The following CPNE8 variants were observed in gnomAD, a reference collection of about 807,000 sequenced individuals.
CPNE8 encodes copine 8.
A neutral mutation model predicts 81.5 loss-of-function variants in CPNE8; 45 were observed. The observed-to-expected ratio is 0.55, with a 90% CI of 0.44 to 0.71. CPNE8 has a LOEUF of 0.71. CPNE8 is among the 30% of genes least tolerant of loss of function. The pLI is 0.00. For synonymous variants in CPNE8, 252 were observed against 226.3 expected (o/e 1.11, Z -1.02); for missense variants, 594 against 672.1 (o/e 0.88, Z 1.28).
chr12:38,905,703 G>T (rs532708979), upstream of CPNE8: 128 of 1,445,146 alleles, frequency 8.9e-5, no homozygotes, highest in Non-Finnish European at 1.1e-4. Flanking sequence ...CCTCCGCGCA[G>T]AGCCACGAGG....
chr12:38,877,806 A>T (rs1269801466), intron 1 of CPNE8, among the ~76,000 whole-genome samples: 2 of 152,150 alleles, frequency 1.3e-5, no homozygotes, highest in East Asian at 1.9e-4. Context: ...AAGTCTTCAA[A>T]CCACAGCAAC....
At chr12:38,685,367 C>T (rs1939509903) in intron 16 of CPNE8, 123 bp downstream of exon 16, 1 of 1,017,170 alleles carries the variant, frequency 9.8e-7, no homozygotes, top group Non-Finnish European at 1.4e-6. Flanking sequence ...ATTTTTTCCC[C>T]ACTTTCTTGG....
chr12:38,818,738 C>T (rs1023247879), intron 6 of CPNE8, among the ~76,000 whole-genome samples: 2 of 152,178 alleles, frequency 1.3e-5, no homozygotes, highest in Non-Finnish European at 2.9e-5. Flanking sequence ...AACTAATTTA[C>T]ACTCCCACCA....
chr12:38,688,433 G>C, intron 15 of CPNE8, among the ~76,000 whole-genome samples: 1 of 152,122 alleles, frequency 6.6e-6, no homozygotes, highest in African/African-American at 2.4e-5. Context: ...ATATTTTATA[G>C]CTACTAAAAT....
chr12:38,859,181 T>C (rs1221997068), intron 3 of CPNE8, among the ~76,000 whole-genome samples: 2 of 149,716 alleles, frequency 1.3e-5, no homozygotes, highest in Admixed American at 6.6e-5. Context: ...AATGAACTTA[T>C]AGGTTAAAAA....
At chr12:38,901,385 T>C (rs1944459882) in intron 1 of CPNE8, among the ~76,000 whole-genome samples, 1 of 152,258 alleles carries the variant, frequency 6.6e-6, no homozygotes, top group South Asian at 2.1e-4. Flanking sequence ...ATCAGTGAAA[T>C]AGTGCAACAA....
At chr12:38,731,769 G>A (rs1940836514) in intron 10 of CPNE8, among the ~76,000 whole-genome samples, 1 of 151,852 alleles carries the variant, frequency 6.6e-6, no homozygotes, top group Admixed American at 6.6e-5. Context: ...TCACAAAACA[G>A]CACTTTAGTG....
chr12:38,834,038 G>A lies in CPNE8; in HGVS notation c.331-4583C>T, dbSNP rs1943342619. 3.9e-5 allele frequency among the ~76,000 whole-genome samples: 6 copies of A among 152,144 alleles called. No individual in the cohort carries two copies. In the South Asian group the frequency reaches 1.2e-3, roughly 31 times the overall value. ...GAGCAATGATGAGAATGGCAGGAGA[G>A]GAGGTAACCAGGGGCTATATCAAGG... On this transcript the variant is annotated intron_variant, in intron 5 of 19. Transcript: ENST00000331366.
chr12:38,797,292 C>A (rs534782082), intron 6 of CPNE8, among the ~76,000 whole-genome samples: 1 of 152,324 alleles, frequency 6.6e-6, no homozygotes, highest in African/African-American at 2.4e-5. Context: ...AACTGGGAGG[C>A]ACCCCCCAGT....
chr12:38,799,586 A>G (rs896010171), intron 6 of CPNE8, among the ~76,000 whole-genome samples: 5 of 152,182 alleles, frequency 3.3e-5, no homozygotes, highest in Admixed American at 2.6e-4. Context: ...TGCCCACAAG[A>G]GAAAGCAGGA....
chr12:38,872,957 C>A lies in CPNE8; in HGVS notation c.186+47G>T, dbSNP rs188200906. The A allele has an allele frequency of 3.4e-5, 35 of 1,036,694 alleles. No homozygotes were observed. The East Asian group carries it at 6.0e-4, about 18-fold the overall frequency. The allele number at this position is 1,036,694 out of a possible 1,614,324, so 64.2% of individuals were successfully genotyped here. A position where few individuals can be genotyped will look rare whatever the true frequency, so the allele number is the denominator to read the frequency against. On this transcript the variant is annotated intron_variant, in intron 3 of 19. Transcript: ENST00000331366. ...ATCATCTTGATCAAGTTATAACTTACTGTATCTTCAAGCCCAGTGATTTTT... is the reference window on the plus strand; with the variant it reads ...ATCATCTTGATCAAGTTATAACTTAATGTATCTTCAAGCCCAGTGATTTTT...
intron 13 of CPNE8, among the ~76,000 whole-genome samples, chr12:38,713,805 C>T (rs1221047971): frequency 1.3e-5 from 2 of 149,786 alleles, no homozygotes; most frequent in South Asian, 2.1e-4. Flanking sequence ...CACCTGGACT[C>T]GCTGGATGAG....
chr12:38,806,327 G>A (rs1419007303), intron 6 of CPNE8, among the ~76,000 whole-genome samples: 1 of 149,876 alleles, frequency 6.7e-6, no homozygotes, highest in Non-Finnish European at 1.5e-5. Context: ...CAATATCCTT[G>A]ATGAACATTG....
In CPNE8 at chr12:38,741,010, C is replaced by G. The variant is rs549602720; in HGVS notation, c.723-10652G>C. 5.3e-5 allele frequency among the ~76,000 whole-genome samples: 8 copies of G among 152,164 alleles called. No individual in the cohort carries two copies. In the East Asian group the frequency reaches 1.4e-3, roughly 26 times the overall value. On this transcript the variant is annotated intron_variant, in intron 10 of 19. Coordinates refer to ENST00000331366, the MANE Select transcript of CPNE8 (RefSeq NM_153634.3). The stretch of plus-strand genomic sequence containing the variant: ...GACCTCTTCAGGGAGAACTACAAAC[C>G]ACTGCTCAATGAAGTAAAAGAGGAC...
At chr12:38,766,511 G>C (rs2136865855) in intron 8 of CPNE8, among the ~76,000 whole-genome samples, 1 of 152,198 alleles carries the variant, frequency 6.6e-6, no homozygotes, top group South Asian at 2.1e-4. Flanking sequence ...TAACACTATA[G>C]CAAATATATC....
chr12:38,878,360 G>A (rs560601074), intron 1 of CPNE8, among the ~76,000 whole-genome samples: 6 of 152,108 alleles, frequency 3.9e-5, no homozygotes, highest in Admixed American at 6.6e-5. Flanking sequence ...TGTATTTTGC[G>A]TGAAATGTAA....
intron 6 of CPNE8, among the ~76,000 whole-genome samples, chr12:38,808,541 G>T (rs1942869152): frequency 7.0e-6 from 1 of 143,648 alleles, no homozygotes; most frequent in Non-Finnish European, 1.5e-5. Flanking sequence ...CTCATAGTTG[G>T]GAATTGAACA....
At chr12:38,802,948 C>T (rs1167795074) in intron 6 of CPNE8, among the ~76,000 whole-genome samples, 1 of 148,026 alleles carries the variant, frequency 6.8e-6, no homozygotes, top group Non-Finnish European at 1.5e-5. Flanking sequence ...TCTCCCAAGA[C>T]TAAACCAGGA....
chr12:38,906,542 A>C, upstream of CPNE8: 1 of 985,626 alleles, frequency 1.0e-6, no homozygotes, highest in Non-Finnish European at 1.2e-6. Flanking sequence ...ACAACCATAT[A>C]ACGCAGCTCC....
Sources: allele counts gnomAD v4.1 joint callset (sites outside exome capture counted in the v4.1 genomes callset), GRCh38; gene constraint gnomAD v4.1.1; transcripts MANE v1.5; gene names NCBI Gene and HGNC (gene_info 2026-07-23, HGNC 2026-07-21).